Variants in AUH observed in about 807,000 individuals in gnomAD.
AUH encodes the protein AU RNA binding methylglutaconyl-CoA hydratase, also known as methylglutaconyl-CoA hydratase, mitochondrial.
Under a neutral mutation model 42.3 loss-of-function variants are expected in AUH, and 29 were observed. The observed-to-expected ratio is 0.69, with a 90% CI of 0.51 to 0.93. The LOEUF (loss-of-function observed/expected upper bound fraction) is 0.93, where lower values mean the gene tolerates loss of function less well. AUH is among the 40% of genes least tolerant of loss of function. The probability of loss-of-function intolerance (pLI) is 0.00; values close to 1 mark genes in which losing one functional copy is unlikely to be tolerated. For missense variants in AUH, 452 were observed against 438.1 expected (o/e 1.03, Z -0.28); for synonymous variants, 174 against 166.4 (o/e 1.05, Z -0.35).
intron 1 of AUH, among the ~76,000 whole-genome samples, chr9:91,360,076 A>G (rs1426687810): frequency 6.6e-6 from 1 of 152,072 alleles, no homozygotes; most frequent in Non-Finnish European, 1.5e-5. Context: ...TTATTATCTG[A>G]TATTCTCTCT....
chr9:91,264,151 A>G (rs989500605), intron 6 of AUH, among the ~76,000 whole-genome samples: 1 of 152,202 alleles, frequency 6.6e-6, no homozygotes, highest in Non-Finnish European at 1.5e-5. Flanking sequence ...GTGTGTGTGT[A>G]TATACACAAT....
At chr9:91,279,927 A>C (rs2131557865) in intron 6 of AUH, among the ~76,000 whole-genome samples, 1 of 152,310 alleles carries the variant, frequency 6.6e-6, no homozygotes, top group East Asian at 1.9e-4. Flanking sequence ...AAGGAATGTA[A>C]GCTTAACTCT....
intron 6 of AUH, among the ~76,000 whole-genome samples, chr9:91,284,168 A>C (rs1047432540): frequency 6.6e-6 from 1 of 152,122 alleles, no homozygotes; most frequent in East Asian, 1.9e-4. Context: ...ACACATCTAC[A>C]ACCATCTGAT....
chr9:91,326,127 G>A (rs1323872030), intron 3 of AUH, among the ~76,000 whole-genome samples: 3 of 152,136 alleles, frequency 2.0e-5, no homozygotes, highest in Admixed American at 6.5e-5. Flanking sequence ...AAAAAGATGG[G>A]TCCCCAATTA....
chr9:91,216,156 T>C (rs377504364), intron 8 of AUH, 50 bp from the exon 9 acceptor site: 17 of 1,538,620 alleles, frequency 1.1e-5, no homozygotes, highest in Non-Finnish European at 1.3e-5. Flanking sequence ...TTGCGAAATG[T>C]GGTATATTCA....
chr9:91,358,009 G>C (rs1185636100), intron 1 of AUH, among the ~76,000 whole-genome samples: 6 of 152,188 alleles, frequency 3.9e-5, no homozygotes, highest in Non-Finnish European at 5.9e-5. Context: ...AAGTAGACAG[G>C]GGTGGGAGCT....
chr9:91,299,258 C>G (rs1827596488), intron 4 of AUH, among the ~76,000 whole-genome samples: 1 of 152,058 alleles, frequency 6.6e-6, no homozygotes. Context: ...AAGGTACTAT[C>G]CCCCAAAATC....
chr9:91,299,729 T>C (rs939147806), intron 4 of AUH, among the ~76,000 whole-genome samples: 1 of 152,184 alleles, frequency 6.6e-6, no homozygotes, highest in African/African-American at 2.4e-5. Context: ...ACTGAGTCCT[T>C]CCCAAGGTCA....
In AUH at chr9:91,214,371, G is replaced by T. The variant is rs765064728; in HGVS notation, c.997C>A (p.Pro333Thr). The change falls in exon 10 of 10, where the codon CCC (proline) becomes ACC (threonine). Residue 333 changes from proline (P) to threonine (T), a missense_variant. Transcript: ENST00000375731. ...TTTTATTCTCCTTTATAGCGAGGGG[G>T]CCTTTTCTCTTTAAAAGCAAGAAGA... is the stretch of plus-strand genomic sequence containing the variant. Reference protein sequence around the residue: ...EGLLAFKEKRPPRYKGE With the variant: ...EGLLAFKEKRTPRYKGE 1.4e-5 allele frequency: 23 copies of T among 1,609,844 alleles called. No individual in the cohort carries two copies. The African/African-American group carries it at 2.3e-4, about 16-fold the overall frequency.
intron 3 of AUH, among the ~76,000 whole-genome samples, chr9:91,332,262 G>C (rs1830383080): frequency 6.6e-6 from 1 of 152,230 alleles, no homozygotes; most frequent in Non-Finnish European, 1.5e-5. Context: ...AGCACTGTAG[G>C]AGGCTGAGGC....
chr9:91,360,946 T>C (rs1587941159), intron 1 of AUH, among the ~76,000 whole-genome samples: 2 of 152,322 alleles, frequency 1.3e-5, no homozygotes, highest in Admixed American at 1.3e-4. Flanking sequence ...GCTGTAACAG[T>C]ATTCCCTAGG....
chr9:91,290,846 A>G (rs755199135), intron 6 of AUH, among the ~76,000 whole-genome samples: 5 of 152,080 alleles, frequency 3.3e-5, no homozygotes, highest in Non-Finnish European at 7.4e-5. Context: ...TCCCTCCCCA[A>G]ATTTCTGCCA....
At chr9:91,315,707 A>G (rs1447852480) in intron 4 of AUH, among the ~76,000 whole-genome samples, 2 of 152,260 alleles carry the variant, frequency 1.3e-5, no homozygotes, top group Non-Finnish European at 2.9e-5. Flanking sequence ...ATATATTCAT[A>G]TACATGTAAT....
intron 3 of AUH, among the ~76,000 whole-genome samples, chr9:91,326,564 G>A (rs905343633): frequency 1.3e-5 from 2 of 152,218 alleles, no homozygotes; most frequent in African/African-American, 4.8e-5. Flanking sequence ...TAATATTATT[G>A]AAAAAGTATT....
intron 6 of AUH, among the ~76,000 whole-genome samples, chr9:91,228,932 T>G (rs999802266): frequency 8.5e-5 from 13 of 152,250 alleles, no homozygotes; most frequent in African/African-American, 3.1e-4. Context: ...TTTGTTTTAA[T>G]TTCTGTTATT....
intron 6 of AUH, among the ~76,000 whole-genome samples, chr9:91,295,687 A>G (rs1250533815): frequency 2.6e-5 from 4 of 152,228 alleles, no homozygotes; most frequent in Non-Finnish European, 4.4e-5. Context: ...ATTTAGCAAT[A>G]AAGTATTTTT....
intron 4 of AUH, among the ~76,000 whole-genome samples, chr9:91,316,191 A>G (rs942488753): frequency 6.6e-6 from 1 of 152,214 alleles, no homozygotes; most frequent in African/African-American, 2.4e-5. Flanking sequence ...AAATCCAAGT[A>G]GCAACCCATT....
intron 6 of AUH, among the ~76,000 whole-genome samples, chr9:91,288,265 C>T (rs1826576657): frequency 6.6e-6 from 1 of 152,140 alleles, no homozygotes; most frequent in Non-Finnish European, 1.5e-5. Flanking sequence ...TAAAGAGATA[C>T]TGTCAAATAA....
chr9:91,308,822 C>CT (rs1265231491), intron 4 of AUH, among the ~76,000 whole-genome samples: 1 of 148,446 alleles, frequency 6.7e-6, no homozygotes, highest in Non-Finnish European at 1.5e-5. Flanking sequence ...CGCAGTTTCG[C>CT]TATTGTTACC....
Sources: allele counts gnomAD v4.1 joint callset (sites outside exome capture counted in the v4.1 genomes callset), GRCh38; gene constraint gnomAD v4.1.1; transcripts MANE v1.5; gene names NCBI Gene and HGNC (gene_info 2026-07-23, HGNC 2026-07-21).